Variants in HSD17B11 observed in about 807,000 individuals in gnomAD.
HSD17B11 encodes hydroxysteroid 17-beta dehydrogenase 11.
A neutral mutation model predicts 27.8 loss-of-function variants in HSD17B11; 22 were observed. The ratio of observed to expected loss-of-function variants is 0.79; its 90% CI spans 0.56 to 1.13. The LOEUF is 1.13. Among genes scored for constraint, HSD17B11 ranks in the 50% most tolerant of loss-of-function variants. The probability of loss-of-function intolerance (pLI) is 0.00; values close to 1 mark genes in which losing one functional copy is unlikely to be tolerated. For synonymous variants in HSD17B11, 117 were observed against 132.8 expected (o/e 0.88, Z 0.82); for missense variants, 314 against 351.1 (o/e 0.89, Z 0.84).
chr4:87,355,432 G>A (rs1578036214), intron 5 of HSD17B11, among the ~76,000 whole-genome samples: 1 of 151,274 alleles, frequency 6.6e-6, no homozygotes, highest in African/African-American at 2.4e-5. Context: ...ACACCTCACA[G>A]AACCTAAAGT....
At chr4:87,357,712 G>C (rs1482777961) in intron 4 of HSD17B11, among the ~76,000 whole-genome samples, 1 of 152,074 alleles carries the variant, frequency 6.6e-6, no homozygotes, top group African/African-American at 2.4e-5. Context: ...TGTTTTTGTT[G>C]TTGTTCCACA....
chr4:87,361,392 A>T (rs1480007069), intron 4 of HSD17B11, among the ~76,000 whole-genome samples: 4 of 152,208 alleles, frequency 2.6e-5, no homozygotes, highest in Non-Finnish European at 5.9e-5. Context: ...TCAAAAAATA[A>T]TCATAAAAAT....
intron 3 of HSD17B11, among the ~76,000 whole-genome samples, chr4:87,373,570 C>T (rs1735762238): frequency 6.6e-6 from 1 of 151,946 alleles, no homozygotes. Flanking sequence ...ACTTGCTGGG[C>T]ATGGTGGTGT....
At chr4:87,389,285 T>C (rs1720396419) in intron 1 of HSD17B11, among the ~76,000 whole-genome samples, 1 of 152,198 alleles carries the variant, frequency 6.6e-6, no homozygotes, top group East Asian at 1.9e-4. Context: ...TGCAATGGCA[T>C]GATCTCGGCT....
intron 5 of HSD17B11, among the ~76,000 whole-genome samples, chr4:87,355,190 G>A (rs1023783684): frequency 2.0e-5 from 3 of 151,954 alleles, no homozygotes; most frequent in Non-Finnish European, 1.5e-5. Context: ...GTAAGCATGT[G>A]AACTTATAAT....
At chr4:87,389,982 C>G (rs1720414298) in intron 1 of HSD17B11, among the ~76,000 whole-genome samples, 1 of 152,086 alleles carries the variant, frequency 6.6e-6, no homozygotes, top group South Asian at 2.1e-4. Flanking sequence ...AAATTTGAGA[C>G]AGGGTCTCAC....
At chr4:87,376,520 A>AC (rs1354997949) in intron 2 of HSD17B11, among the ~76,000 whole-genome samples, 2 of 146,366 alleles carry the variant, frequency 1.4e-5, no homozygotes, top group Non-Finnish European at 3.0e-5. Flanking sequence ...AAAAAAAAAA[A>AC]AACCCAAAAA....
At chr4:87,360,921 A>C (rs1480017904) in intron 4 of HSD17B11, among the ~76,000 whole-genome samples, 2 of 152,220 alleles carry the variant, frequency 1.3e-5, no homozygotes, top group Non-Finnish European at 2.9e-5. Context: ...ATTATTTTAA[A>C]TTAAGAGCCA....
intron 4 of HSD17B11, among the ~76,000 whole-genome samples, chr4:87,369,800 G>A (rs1283529302): frequency 6.6e-6 from 1 of 152,106 alleles, no homozygotes; most frequent in East Asian, 1.9e-4. Flanking sequence ...TTTACTGAGC[G>A]TTCCCATACT....
intron 4 of HSD17B11, among the ~76,000 whole-genome samples, chr4:87,360,520 T>C (rs1735488364): frequency 6.6e-6 from 1 of 152,226 alleles, no homozygotes; most frequent in South Asian, 2.1e-4. Context: ...TGTGTCCCCT[T>C]GTTCTGGTAA....
intron 4 of HSD17B11, among the ~76,000 whole-genome samples, chr4:87,364,267 T>C (rs953542270): frequency 1.4e-5 from 2 of 140,302 alleles, no homozygotes; most frequent in Non-Finnish European, 3.1e-5. Flanking sequence ...GATCCAGTTT[T>C]GGGAAAAAAA....
At chr4:87,342,241 G>T (rs1036096015) in intron 5 of HSD17B11, among the ~76,000 whole-genome samples, 1 of 152,018 alleles carries the variant, frequency 6.6e-6, no homozygotes, top group Non-Finnish European at 1.5e-5. Context: ...AATTAGCCAG[G>T]CATGATGGCA....
chr4:87,365,962 T>G (rs1451190690), intron 4 of HSD17B11: 5 of 152,190 alleles, frequency 3.3e-5, no homozygotes, highest in Admixed American at 3.3e-4. Flanking sequence ...GTTCAAGCAA[T>G]TCTTCTGTCT....
chr4:87,391,174 G>A lies in HSD17B11; in HGVS notation c.-104C>T. 2.5e-6 allele frequency: 2 copies of A among 789,442 alleles called. No individual in the cohort carries two copies. The highest frequency in any genetic ancestry group is 2.0e-6 in the Non-Finnish European group (1 of 500,376). 48.9% of individuals were successfully genotyped at this position (789,442 alleles called of 1,614,324 possible). ...CTAACACCAGAAAGAGTAGGGGCGA[G>A]AGCAAGGAGGAACTCCCGTATCAAA... On this transcript the variant is annotated 5_prime_UTR_variant, in exon 1 of 7. Coordinates refer to ENST00000358290, the MANE Select transcript of HSD17B11 (RefSeq NM_016245.5).
At chr4:87,345,524 G>T (rs186461728) in intron 5 of HSD17B11, among the ~76,000 whole-genome samples, 10 of 152,068 alleles carry the variant, frequency 6.6e-5, no homozygotes, top group African/African-American at 9.6e-5. Context: ...CTTAAAATAG[G>T]TTCTTTAAAA....
intron 1 of HSD17B11, among the ~76,000 whole-genome samples, chr4:87,383,508 G>A (rs1720225791): frequency 6.6e-6 from 1 of 152,046 alleles, no homozygotes; most frequent in Non-Finnish European, 1.5e-5. Flanking sequence ...GTAAGACTTG[G>A]TGAGTAGATG....
Position 87,378,811 on chromosome 4 carries a change from AAATAT to A in HSD17B11, c.318+3439_318+3443del, listed in dbSNP as rs1196466917. ...TATATATGATTTTATATATATATAT[AAATAT>A]AAAATATATATATAAATATATATAT... On this transcript the variant is annotated intron_variant, in intron 2 of 6. Transcript: ENST00000358290. 2.7e-5 allele frequency among the ~76,000 whole-genome samples: 3 copies of A among 109,898 alleles called. 1 individual carries two copies. Among genetic ancestry groups the A allele is most frequent in the Non-Finnish European group, 5.4e-5 (3 of 55,868 alleles). 72.1% of individuals were successfully genotyped at this position (109,898 alleles called of 152,430 possible). A position where few individuals can be genotyped will look rare whatever the true frequency, so the allele number is the denominator to read the frequency against.
intron 2 of HSD17B11, among the ~76,000 whole-genome samples, chr4:87,381,321 T>C (rs1239324436): frequency 6.6e-6 from 1 of 152,150 alleles, no homozygotes; most frequent in Non-Finnish European, 1.5e-5. Flanking sequence ...ATGTGTATTT[T>C]AAGGAATCTG....
chr4:87,345,758 GA>G (rs1467841777), intron 5 of HSD17B11, among the ~76,000 whole-genome samples: 3 of 152,006 alleles, frequency 2.0e-5, no homozygotes, highest in Non-Finnish European at 4.4e-5. Flanking sequence ...CTGACTCAAG[GA>G]AAAACAGAAA....
Sources: gnomAD v4.1 joint callset for allele counts (sites outside exome capture counted in the v4.1 genomes callset) on GRCh38, gnomAD v4.1.1 for gene constraint, MANE v1.5 for transcripts, NCBI Gene and HGNC (gene_info 2026-07-23, HGNC 2026-07-21) for gene names.